Variants in GPAM observed in about 807,000 individuals in gnomAD.
GPAM encodes glycerol-3-phosphate acyltransferase 1, mitochondrial.
In GPAM, 56 loss-of-function variants were observed where a neutral mutation model predicts 105.0. The observed-to-expected ratio is 0.53, with a 90% CI of 0.43 to 0.67. The LOEUF is 0.67. Among genes scored for constraint, GPAM ranks in the 30% least tolerant of loss-of-function variants. The pLI, the probability that GPAM is intolerant of heterozygous loss-of-function variation, is 0.00. For synonymous variants in GPAM, 368 were observed against 354.4 expected (o/e 1.04, Z -0.43); for missense variants, 855 against 989.8 (o/e 0.86, Z 1.83).
chr10:112,211,980 T>C (rs1180045062), intron 1 of GPAM, among the ~76,000 whole-genome samples: 3 of 152,120 alleles, frequency 2.0e-5, no homozygotes, highest in African/African-American at 7.2e-5. Context: ...TCCAAGACCA[T>C]TCCCTGAGAG....
chr10:112,157,212 T>C, intron 19 of GPAM, 37 bp downstream of exon 19: 3 of 1,585,484 alleles, frequency 1.9e-6, no homozygotes, highest in Non-Finnish European at 2.6e-6. Context: ...CCTCAACATA[T>C]CCCTGTAATA....
intron 13 of GPAM, 56 bp from the exon 14 acceptor site, chr10:112,163,872 T>C (rs1176675238): frequency 3.7e-6 from 3 of 802,224 alleles, no homozygotes; most frequent in South Asian, 1.3e-5. Context: ...AGGCAAACCA[T>C]GTGGAACTGA....
At chr10:112,207,018 A>G (rs1044604991) in intron 1 of GPAM, among the ~76,000 whole-genome samples, 1 of 152,220 alleles carries the variant, frequency 6.6e-6, no homozygotes, top group South Asian at 2.1e-4. Context: ...TAGAAGCTCA[A>G]TAAAACAGGA....
At chr10:112,163,267 G>A (rs1332885846) in intron 14 of GPAM, among the ~76,000 whole-genome samples, 1 of 152,096 alleles carries the variant, frequency 6.6e-6, no homozygotes, top group Admixed American at 6.5e-5. Flanking sequence ...TATTCATTTT[G>A]TATTCTCCAC....
chr10:112,209,474 C>G (rs1374370980), intron 1 of GPAM, among the ~76,000 whole-genome samples: 1 of 152,046 alleles, frequency 6.6e-6, no homozygotes, highest in Non-Finnish European at 1.5e-5. Flanking sequence ...TGATGGGAGT[C>G]AGAATTGCTG....
chr10:112,195,222 C>T (rs1847709400), intron 1 of GPAM, among the ~76,000 whole-genome samples: 1 of 152,240 alleles, frequency 6.6e-6, no homozygotes, highest in African/African-American at 2.4e-5. Context: ...CAAATACCCC[C>T]ATCGCTCTCC....
chr10:112,226,202 G>A, the GPAM span, among the ~76,000 whole-genome samples: 1 of 152,176 alleles, frequency 6.6e-6, no homozygotes, highest in Non-Finnish European at 1.5e-5. Flanking sequence ...CAGAGATCAA[G>A]GAGATGCTAA....
At position 112,157,248 on chromosome 10, in the gene GPAM, C is replaced by T; in HGVS notation, c.2121+1G>A. On this transcript the variant is annotated splice_donor_variant, in intron 19 of 21. Transcript: ENST00000348367. LOFTEE classifies it high-confidence loss of function. ...TCCACCAGAATTCTTCACCCAAGTA[C>T]CTTCAGGTAGCAATCTCGCTGTTCC... 1 of 1,613,076 alleles carries T rather than the reference C, an allele frequency of 6.2e-7. No homozygotes were observed. The highest frequency in any genetic ancestry group is 8.5e-7 in the Non-Finnish European group (1 of 1,179,040).
At chr10:112,175,462 C>A (rs907882853) in intron 6 of GPAM, 138 bp downstream of exon 6, 6 of 677,768 alleles carry the variant, frequency 8.9e-6, no homozygotes, top group South Asian at 1.6e-5. Context: ...TGGAGCTTAA[C>A]ATTTAATGTT....
intron 17 of GPAM, 37 bp downstream of exon 17, chr10:112,159,874 A>G (rs1208712743): frequency 1.2e-6 from 2 of 1,608,016 alleles, no homozygotes; most frequent in African/African-American, 1.3e-5. Context: ...AACGCTCAAG[A>G]AAAGAGACCA....
intron 1 of GPAM, among the ~76,000 whole-genome samples, chr10:112,212,904 G>A (rs1258894934): frequency 3.3e-5 from 5 of 152,234 alleles, no homozygotes; most frequent in Non-Finnish European, 7.3e-5. Context: ...CTGGAAAAAC[G>A]ATTTGGAGCT....
chr10:112,223,402 G>C, the GPAM span, among the ~76,000 whole-genome samples: 2 of 152,200 alleles, frequency 1.3e-5, no homozygotes, highest in African/African-American at 4.8e-5. Flanking sequence ...CTAGTTTACA[G>C]CTAAATATGT....
chr10:112,192,111 G>A (rs574276461), intron 1 of GPAM, among the ~76,000 whole-genome samples: 35 of 152,316 alleles, frequency 2.3e-4, no homozygotes, highest in African/African-American at 8.2e-4. Context: ...GGGTAGGAGG[G>A]TGGAATGCCC....
At chr10:112,225,059 G>A in the GPAM span, among the ~76,000 whole-genome samples, 1 of 152,190 alleles carries the variant, frequency 6.6e-6, no homozygotes, top group African/African-American at 2.4e-5. Flanking sequence ...CCGGCCTGGT[G>A]ATCCCATGTG....
intron 9 of GPAM, 79 bp downstream of exon 9, chr10:112,172,103 C>G: frequency 9.6e-7 from 1 of 1,046,774 alleles, no homozygotes; most frequent in South Asian, 1.3e-5. Flanking sequence ...AATAACATAT[C>G]GAAAGCTATA....
In GPAM at chr10:112,151,580, A is replaced by T; in HGVS notation, c.*1970T>A. The T allele has an allele frequency of 1.0e-6, 1 of 985,802 alleles. No individual in the cohort carries two copies. Among genetic ancestry groups the T allele is most frequent in the South Asian group, 4.7e-5 (1 of 21,288 alleles). 61.1% of individuals were successfully genotyped at this position (985,802 alleles called of 1,614,324 possible). On this transcript the variant is annotated 3_prime_UTR_variant, in exon 22 of 22. Coordinates refer to ENST00000348367, the MANE Select transcript of GPAM (RefSeq NM_001244949.2). ...GTACTTCTAGAAAACAAACCAACCA[A>T]AAGGGAAAATAATGCAAGAGAAGCC...
chr10:112,175,654 A>G lies in GPAM; in HGVS notation c.359T>C (p.Val120Ala), dbSNP rs1378404490. Residue 120 changes from valine (V) to alanine (A), a missense_variant, in exon 6 of 22, where the codon GTG (valine) becomes GCG (alanine). Transcript: ENST00000348367. Reference protein sequence around the residue: ...SYVLFIQERDVHKGMFATNVT... With the variant: ...SYVLFIQERDAHKGMFATNVT... ...ATTGGTGGCAAACATGCCCTTATGC[A>G]CATCTCGCTCTTGAATAAAAAGAAC... 6.2e-7 allele frequency: 1 copy of G among 1,613,474 alleles called. No individual in the cohort carries two copies. Among genetic ancestry groups the G allele is most frequent in the Non-Finnish European group, 8.5e-7 (1 of 1,179,432 alleles).
intron 1 of GPAM, among the ~76,000 whole-genome samples, chr10:112,183,377 C>T (rs1383062995): frequency 6.6e-6 from 1 of 152,232 alleles, no homozygotes; most frequent in Non-Finnish European, 1.5e-5. Context: ...CTCAATGTTC[C>T]CTAGGGACCC....
intron 1 of GPAM, among the ~76,000 whole-genome samples, chr10:112,201,596 G>T (rs891003787): frequency 6.6e-6 from 1 of 152,188 alleles, no homozygotes; most frequent in Non-Finnish European, 1.5e-5. Flanking sequence ...TCCTTCTGCA[G>T]ACATTTGCAT....
Sources: gnomAD v4.1 joint callset for allele counts (sites outside exome capture counted in the v4.1 genomes callset) on GRCh38, gnomAD v4.1.1 for gene constraint, MANE v1.5 for transcripts, NCBI Gene and HGNC (gene_info 2026-07-23, HGNC 2026-07-21) for gene names.